SGCZ: variants seen among roughly 807,000 people sequenced by gnomAD.
The protein encoded by SGCZ is sarcoglycan zeta.
A neutral mutation model predicts 41.3 loss-of-function variants in SGCZ; 40 were observed. That is an observed-to-expected ratio of 0.97 (90% CI 0.75 to 1.26). The LOEUF (loss-of-function observed/expected upper bound fraction) is 1.26, where lower values mean the gene tolerates loss of function less well. SGCZ is among the 50% of genes most tolerant of loss of function. The pLI is 0.00. For synonymous variants in SGCZ, 206 were observed against 137.5 expected, an observed-to-expected ratio of 1.50 and a Z score of -3.49; for missense variants, 552 against 369.8, an observed-to-expected ratio of 1.49 and a Z score of -4.04.
At chr8:14,264,807 T>A (rs1201306795) in intron 3 of SGCZ, among the ~76,000 whole-genome samples, 1 of 151,748 alleles carries the variant, frequency 6.6e-6, no homozygotes, top group Admixed American at 6.6e-5. Context: ...TAAAAATATT[T>A]AAAAAATTAG....
chr8:14,199,109 G>A lies in SGCZ; in HGVS notation c.425-34407C>T, dbSNP rs183070872. ...AACTCTGGCTGCCTGTGGGCCAGGCGGAACAGAGCCATATTTCTCTTCTTT... is the reference window on the plus strand; with the variant it reads ...AACTCTGGCTGCCTGTGGGCCAGGCAGAACAGAGCCATATTTCTCTTCTTT... On this transcript the variant is annotated intron_variant, in intron 4 of 7. Coordinates refer to ENST00000382080, the MANE Select transcript of SGCZ (RefSeq NM_139167.4). 6.6e-3 allele frequency among the ~76,000 whole-genome samples: 1,002 copies of A among 152,288 alleles called. 35 individuals carry two copies. Among genetic ancestry groups the A allele is most frequent in the Admixed American group, 0.051 (778 of 15,300 alleles).
intron 2 of SGCZ, among the ~76,000 whole-genome samples, chr8:14,532,169 G>T (rs1391406498): frequency 6.6e-6 from 1 of 152,080 alleles, no homozygotes; most frequent in Admixed American, 6.6e-5. Context: ...GTATGCTTGT[G>T]TGATCAAAGT....
At chr8:15,159,418 A>C (rs1305363921) in intron 1 of SGCZ, among the ~76,000 whole-genome samples, 2 of 152,150 alleles carry the variant, frequency 1.3e-5, no homozygotes, top group Non-Finnish European at 2.9e-5. Context: ...TCTGACTTGA[A>C]ACCAGTCATC....
chr8:14,166,553 C>G (rs1804216820), intron 4 of SGCZ, among the ~76,000 whole-genome samples: 1 of 152,106 alleles, frequency 6.6e-6, no homozygotes, highest in African/African-American at 2.4e-5. Context: ...ACACATAAAA[C>G]CTCAATATTT....
chr8:14,226,182 G>C (rs537189749), intron 4 of SGCZ, among the ~76,000 whole-genome samples: 1 of 152,056 alleles, frequency 6.6e-6, no homozygotes, highest in African/African-American at 2.4e-5. Flanking sequence ...TTAGTATTCA[G>C]AATGTTAAGT....
intron 1 of SGCZ, among the ~76,000 whole-genome samples, chr8:14,799,424 G>C (rs1299667991): frequency 6.6e-6 from 1 of 152,000 alleles, no homozygotes; most frequent in Non-Finnish European, 1.5e-5. Flanking sequence ...TTCAGTATCT[G>C]ATGGAGAGTA....
At chr8:14,944,136 G>A (rs977399118) in intron 1 of SGCZ, among the ~76,000 whole-genome samples, 7 of 152,054 alleles carry the variant, frequency 4.6e-5, no homozygotes, top group Admixed American at 2.0e-4. Flanking sequence ...CGCTTCATTC[G>A]AATCATATAG....
Position 14,897,386 on chromosome 8 carries a change from A to G in SGCZ, c.39+340199T>C, listed in dbSNP as rs140136699. ...AACAACCTATTATACTGAGTATCCCACTAGGATGGCTTGTAACGTTTAGCC... is the reference window on the plus strand; with the variant it reads ...AACAACCTATTATACTGAGTATCCCGCTAGGATGGCTTGTAACGTTTAGCC... On this transcript the variant is annotated intron_variant, in intron 1 of 7. Transcript: ENST00000382080. Among the ~76,000 whole-genome samples, 781 of 152,316 alleles carry G rather than the reference A, an allele frequency of 5.1e-3. 9 individuals carry two copies. The highest frequency in any genetic ancestry group is 0.018 in the African/African-American group (738 of 41,584).
At chr8:14,363,279 T>C (rs1273459615) in intron 2 of SGCZ, among the ~76,000 whole-genome samples, 2 of 152,336 alleles carry the variant, frequency 1.3e-5, no homozygotes, top group East Asian at 1.9e-4. Context: ...CTGGCAGTCA[T>C]ATACTCTGTG....
At chr8:15,013,416 T>G (rs1293412144) in intron 1 of SGCZ, among the ~76,000 whole-genome samples, 2 of 152,200 alleles carry the variant, frequency 1.3e-5, no homozygotes, top group African/African-American at 4.8e-5. Flanking sequence ...AATCTTGCCC[T>G]TAGCATCTAT....
chr8:14,721,969 T>C (rs900271213), intron 1 of SGCZ, among the ~76,000 whole-genome samples: 1 of 152,184 alleles, frequency 6.6e-6, no homozygotes, highest in Admixed American at 6.5e-5. Flanking sequence ...CCCTTCTGCC[T>C]AAATACCCTC....
At chr8:14,528,827 C>CAAAAAAA (rs760788606) in intron 2 of SGCZ, among the ~76,000 whole-genome samples, 4 of 52,692 alleles carry the variant, frequency 7.6e-5, no homozygotes, top group African/African-American at 4.3e-4. Context: ...ACGGACCAGC[C>CAAAAAAA]AAAAAAAAAA....
chr8:14,860,409 G>A (rs992208651), intron 1 of SGCZ, among the ~76,000 whole-genome samples: 1 of 150,556 alleles, frequency 6.6e-6, no homozygotes, highest in Non-Finnish European at 1.5e-5. Flanking sequence ...TCAGAAGACA[G>A]GAAGTGAGAA....
At chr8:15,075,962 A>G (rs1258991268) in intron 1 of SGCZ, among the ~76,000 whole-genome samples, 1 of 152,164 alleles carries the variant, frequency 6.6e-6, no homozygotes, top group East Asian at 1.9e-4. Context: ...TGGAATTACC[A>G]AGTATTGACT....
intron 1 of SGCZ, among the ~76,000 whole-genome samples, chr8:14,857,248 T>C (rs1315433433): frequency 6.6e-6 from 1 of 152,182 alleles, no homozygotes; most frequent in Non-Finnish European, 1.5e-5. Context: ...GGCATCATGC[T>C]TCCTGCACAG....
At chr8:14,803,776 G>T (rs567790240) in intron 1 of SGCZ, among the ~76,000 whole-genome samples, 1 of 149,860 alleles carries the variant, frequency 6.7e-6, no homozygotes, top group Admixed American at 6.7e-5. Flanking sequence ...TCTGGGGGCA[G>T]GGCACAGACA....
At chr8:14,436,434 A>G (rs938199020) in intron 2 of SGCZ, among the ~76,000 whole-genome samples, 2 of 152,236 alleles carry the variant, frequency 1.3e-5, no homozygotes, top group African/African-American at 2.4e-5. Context: ...AGGATAATCT[A>G]GCCCACTGTA....
intron 7 of SGCZ, among the ~76,000 whole-genome samples, chr8:14,096,450 G>A (rs1405427737): frequency 1.3e-5 from 2 of 152,194 alleles, no homozygotes; most frequent in Non-Finnish European, 2.9e-5. Context: ...TCCCAGGGAT[G>A]AAGCCAACTT....
At chr8:14,575,534 A>C (rs547722255) in intron 1 of SGCZ, among the ~76,000 whole-genome samples, 28 of 152,336 alleles carry the variant, frequency 1.8e-4, no homozygotes, top group African/African-American at 6.7e-4. Context: ...TGTAATAGTA[A>C]AATATTGGGG....
Sources: allele counts gnomAD v4.1 joint callset (sites outside exome capture counted in the v4.1 genomes callset), GRCh38; gene constraint gnomAD v4.1.1; transcripts MANE v1.5; gene names NCBI Gene and HGNC (gene_info 2026-07-23, HGNC 2026-07-21).